The following ZNF789 variants were observed in gnomAD, a reference collection of about 807,000 sequenced individuals.
ZNF789 encodes zinc finger protein 789.
Under a neutral mutation model 15.6 loss-of-function variants are expected in ZNF789, and 11 were observed. The observed-to-expected ratio is 0.70, with a 90% confidence interval of 0.44 to 1.16. The LOEUF is 1.16. Ranked by LOEUF, ZNF789 falls within the 50% of genes most tolerant of loss-of-function variation. ZNF789 has a pLI of 0.00. For missense variants in ZNF789, 461 were observed against 512.6 expected, an observed-to-expected ratio of 0.90 and a Z score of 0.97; for synonymous variants, 159 against 176.0, an observed-to-expected ratio of 0.90 and a Z score of 0.76.
chr7:99,473,575 A>C (rs990034131), intron 1 of ZNF789, among the ~76,000 whole-genome samples: 2 of 152,164 alleles, frequency 1.3e-5, no homozygotes, highest in Non-Finnish European at 2.9e-5. Context: ...ACGAGAAAAA[A>C]GCTTCTTTCC....
intron 1 of ZNF789, among the ~76,000 whole-genome samples, chr7:99,475,265 G>C (rs1008978047): frequency 2.6e-5 from 4 of 151,912 alleles, no homozygotes; most frequent in Admixed American, 6.6e-5. Context: ...ATGGCGGCGG[G>C]TGCCTGTAAT....
Position 99,486,582 on chromosome 7 carries a change from A to G in ZNF789, c.372A>G (p.Lys124=). 1 of 1,614,174 alleles carries G rather than the reference A, an allele frequency of 6.2e-7. No homozygotes were observed. The highest frequency in any genetic ancestry group is 2.2e-5 in the East Asian group (1 of 44,892). ...TGGTAATGCAGGAATCAGCTGAGAA[A>G]CTTTCAGAAAAGTTACATAAGTGTA... ...ISVVMQESAE[K]LSEKLHKCKE... is the part of the protein sequence containing the mutation. Residue 124 remains lysine (K), a synonymous_variant, in exon 5 of 5, where the codon AAA becomes AAG. Transcript: ENST00000331410.
chr7:99,474,661 C>T (rs1799217891), intron 1 of ZNF789, among the ~76,000 whole-genome samples: 1 of 151,696 alleles, frequency 6.6e-6, no homozygotes, highest in Non-Finnish European at 1.5e-5. Flanking sequence ...GGGCCATATG[C>T]GGTCCACAGG....
At position 99,476,506 on chromosome 7, in the gene ZNF789, C is replaced by T. The variant is rs375032049; in HGVS notation, c.24+26C>T. 28 of 1,610,618 alleles carry T rather than the reference C, an allele frequency of 1.7e-5. No individual in the cohort carries two copies. In the African/African-American group the frequency reaches 3.6e-4, roughly 21 times the overall value. On this transcript the variant is annotated intron_variant, in intron 2 of 4. Transcript: ENST00000331410. ...GTGAGCTGTGCCTCCCCCTCTGCTT[C>T]ATCAGCATAGTCACTGCCACCAGCA...
chr7:99,486,576 T>G lies in ZNF789; in HGVS notation c.366T>G (p.Ala122=). The G allele has an allele frequency of 6.2e-7, 1 of 1,614,212 alleles. No individual in the cohort carries two copies. The highest frequency in any genetic ancestry group is 8.5e-7 in the Non-Finnish European group (1 of 1,180,044). Residue 122 remains alanine, a synonymous_variant, in exon 5 of 5, where the codon GCT becomes GCG. Coordinates refer to ENST00000331410, the MANE Select transcript of ZNF789 (RefSeq NM_213603.3). The part of the protein sequence containing the change: ...YKISVVMQES[A]EKLSEKLHKC... ...TATCAGTGGTAATGCAGGAATCAGC[T>G]GAGAAACTTTCAGAAAAGTTACATA...
intron 3 of ZNF789, chr7:99,480,397 A>C (rs1799558149): frequency 6.6e-6 from 1 of 152,290 alleles, no homozygotes; most frequent in Admixed American, 6.5e-5. Flanking sequence ...TGGGGATGAT[A>C]CGTTATGTAA....
chr7:99,479,603 A>G, intron 2 of ZNF789, 58 bp from the exon 3 acceptor site: 1 of 1,530,438 alleles, frequency 6.5e-7, no homozygotes, highest in Non-Finnish European at 8.8e-7. Flanking sequence ...CTGTGGAATA[A>G]TCATTGAGCG....
At chr7:99,478,388 A>G (rs761277314) in intron 2 of ZNF789, 393 of 1,286,478 alleles carry the variant, frequency 3.1e-4, no homozygotes, top group Non-Finnish European at 3.8e-4. Context: ...TAGCAGTGGA[A>G]CTCAGGTTTG....
At chr7:99,484,302 G>A (rs912719954) in intron 4 of ZNF789, among the ~76,000 whole-genome samples, 159 bp downstream of exon 4, 12 of 152,150 alleles carry the variant, frequency 7.9e-5, no homozygotes, top group East Asian at 1.9e-4. Flanking sequence ...GAAGATCGGC[G>A]TCCCCATTTC....
At chr7:99,476,751 G>A (rs1799357201) in intron 2 of ZNF789, among the ~76,000 whole-genome samples, 1 of 152,192 alleles carries the variant, frequency 6.6e-6, no homozygotes, top group South Asian at 2.1e-4. Context: ...CCTTTGTGCA[G>A]TATCTGGTTA....
At chr7:99,473,536 G>T (rs1799134690) in intron 1 of ZNF789, among the ~76,000 whole-genome samples, 1 of 152,190 alleles carries the variant, frequency 6.6e-6, no homozygotes, top group Non-Finnish European at 1.5e-5. Flanking sequence ...CCTCGCATCT[G>T]TAGCTGATTG....
intron 3 of ZNF789, chr7:99,482,241 G>A: frequency 1.3e-6 from 1 of 779,050 alleles, no homozygotes; most frequent in East Asian, 2.4e-5. Flanking sequence ...TTGTACTTTA[G>A]GCTATATTTC....
chr7:99,475,603 C>G (rs907593234), intron 1 of ZNF789, among the ~76,000 whole-genome samples: 4 of 152,056 alleles, frequency 2.6e-5, no homozygotes, highest in African/African-American at 9.7e-5. Context: ...CCTAGGATAA[C>G]TAGACTCGGA....
intron 4 of ZNF789, among the ~76,000 whole-genome samples, 170 bp downstream of exon 4, chr7:99,484,313 C>T (rs985689048): frequency 6.6e-6 from 1 of 152,142 alleles, no homozygotes; most frequent in African/African-American, 2.4e-5. Flanking sequence ...TCCCCATTTC[C>T]CAGATGAAGA....
At chr7:99,476,382 C>T (rs1157159677) in intron 1 of ZNF789, 21 bp from the exon 2 acceptor site, 1 of 1,573,672 alleles carries the variant, frequency 6.4e-7, no homozygotes, top group East Asian at 2.4e-5. Flanking sequence ...GCTGGCCTTA[C>T]TGACTTTTTT....
intron 4 of ZNF789, chr7:99,485,174 T>G: frequency 6.5e-7 from 1 of 1,535,636 alleles, no homozygotes; most frequent in Non-Finnish European, 8.7e-7. Context: ...TCCTGACATA[T>G]CTGCATTTTT....
Position 99,487,317 on chromosome 7 carries a change from T to C in ZNF789, c.1107T>C (p.Phe369=). 6.2e-7 allele frequency: 1 copy of C among 1,614,236 alleles called. No individual in the cohort carries two copies. The highest frequency in any genetic ancestry group is 8.5e-7 in the Non-Finnish European group (1 of 1,180,044). ...HQRIHTKEEF[F]QCGECGKTFS... Reference sequence around the variant, plus strand: ...GAATCCATACAAAGGAGGAATTCTTTCAATGTGGAGAATGTGGGAAAACGT... The same window carrying C: ...GAATCCATACAAAGGAGGAATTCTTCCAATGTGGAGAATGTGGGAAAACGT... Residue 369 remains phenylalanine (F), a synonymous_variant, in exon 5 of 5, where the codon TTT becomes TTC. Coordinates refer to ENST00000331410, the MANE Select transcript of ZNF789 (RefSeq NM_213603.3).
In ZNF789 at chr7:99,486,913, G is replaced by A. The variant is rs1458108700; in HGVS notation, c.703G>A (p.Gly235Arg). 15 of 1,614,052 alleles carry A rather than the reference G, an allele frequency of 9.3e-6. No homozygotes were observed. Among genetic ancestry groups the A allele is most frequent in the Non-Finnish European group, 1.3e-5 (15 of 1,180,050 alleles). The change falls in exon 5 of 5, where the codon GGG (glycine) becomes AGG (arginine). Residue 235 changes from glycine (G) to arginine (R), a missense_variant. Coordinates refer to ENST00000331410, the MANE Select transcript of ZNF789 (RefSeq NM_213603.3). ...LENPFECKVC[G>R]QAFRQRSALT... The stretch of plus-strand genomic sequence containing the variant: ...GAATCCTTTTGAGTGTAAGGTCTGT[G>A]GGCAAGCCTTCAGACAGCGGTCAGC...
Position 99,486,920 on chromosome 7 carries a change from C to G in ZNF789, c.710C>G (p.Ala237Gly). 2 of 1,614,144 alleles carry G rather than the reference C, an allele frequency of 1.2e-6. No individual in the cohort carries two copies. The highest frequency in any genetic ancestry group is 2.2e-5 in the East Asian group (1 of 44,892). ...TTTGAGTGTAAGGTCTGTGGGCAAG[C>G]CTTCAGACAGCGGTCAGCTCTTACG... ...NPFECKVCGQ[A>G]FRQRSALTVH... is the part of the protein sequence containing the mutation. The change falls in exon 5 of 5, where the codon GCC becomes GGC. Residue 237 changes from alanine to glycine, a missense_variant. By Grantham distance (60) the Ala-to-Gly change is moderately conservative (BLOSUM62 0). Transcript: ENST00000331410.
Sources: gnomAD v4.1 joint callset for allele counts (sites outside exome capture counted in the v4.1 genomes callset) on GRCh38, gnomAD v4.1.1 for gene constraint, MANE v1.5 for transcripts, NCBI Gene and HGNC (gene_info 2026-07-23, HGNC 2026-07-21) for gene names.